The following PRICKLE1 variants were observed in gnomAD, a reference collection of about 807,000 sequenced individuals.
PRICKLE1 encodes the protein prickle planar cell polarity protein 1, also known as prickle-like protein 1.
A neutral mutation model predicts 70.2 loss-of-function variants in PRICKLE1; 14 were observed. The ratio of observed to expected loss-of-function variants is 0.20; its 90% CI spans 0.13 to 0.31. The LOEUF is 0.31. Among genes scored for constraint, PRICKLE1 ranks in the 10% least tolerant of loss-of-function variants. The pLI is 1.00. For missense variants in PRICKLE1, 821 were observed against 1,026.2 expected (o/e 0.80, Z 2.73); for synonymous variants, 357 against 379.9 (o/e 0.94, Z 0.70).
At chr12:42,489,027 G>A (rs913296025) in intron 1 of PRICKLE1, among the ~76,000 whole-genome samples, 1 of 150,794 alleles carries the variant, frequency 6.6e-6, no homozygotes, top group East Asian at 2.0e-4. Flanking sequence ...AGGTTCAAGC[G>A]ATTCTCCTGC....
At chr12:42,569,132 A>G (rs1940668411) in intron 1 of PRICKLE1, among the ~76,000 whole-genome samples, 1 of 152,180 alleles carries the variant, frequency 6.6e-6, no homozygotes, top group Admixed American at 6.5e-5. Flanking sequence ...CACTTAATGG[A>G]TATACCATCA....
intron 1 of PRICKLE1, among the ~76,000 whole-genome samples, chr12:42,488,783 T>C (rs900779036): frequency 1.3e-5 from 2 of 152,178 alleles, no homozygotes; most frequent in African/African-American, 4.8e-5. Flanking sequence ...ATTATTTAGA[T>C]ACTATAAATA....
chr12:42,573,478 G>A (rs140635492), intron 1 of PRICKLE1, among the ~76,000 whole-genome samples: 152 of 152,200 alleles, frequency 1.0e-3, no homozygotes, highest in African/African-American at 3.3e-3. Context: ...ACAAAGAGGC[G>A]ACTTAAACAT....
In PRICKLE1 at chr12:42,459,946, G is replaced by A. The variant is rs765199745; in HGVS notation, c.2359C>T (p.Arg787Trp). 5.6e-6 allele frequency: 9 copies of A among 1,614,054 alleles called. No individual in the cohort carries two copies. Among genetic ancestry groups the A allele is most frequent in the Non-Finnish European group, 7.6e-6 (9 of 1,180,050 alleles). The change falls in exon 8 of 8, where the codon CGG becomes TGG. Residue 787 changes from arginine to tryptophan, a missense_variant. Arg to Trp is a moderately radical substitution (Grantham distance 101). Coordinates refer to ENST00000345127, the MANE Select transcript of PRICKLE1 (RefSeq NM_153026.3). ...YFLGQPIPQPRPQRFAYYTDD... is the reference protein window; with the variant it reads ...YFLGQPIPQPWPQRFAYYTDD... ...GTATAGTAGGCAAATCTCTGTGGCC[G>A]GGGTTGAGGGATTGGTTGTCCAAGA... is the stretch of plus-strand genomic sequence containing the variant.
At chr12:42,474,159 C>A (rs562259771) in intron 1 of PRICKLE1, among the ~76,000 whole-genome samples, 2 of 152,266 alleles carry the variant, frequency 1.3e-5, no homozygotes, top group East Asian at 3.9e-4. Context: ...GTAATCCCAG[C>A]TACTCGGGAG....
Position 42,465,123 on chromosome 12 carries a change from T to A in PRICKLE1, c.911A>T (p.Lys304Ile). 6.4e-7 allele frequency: 1 copy of A among 1,574,336 alleles called. No individual in the cohort carries two copies. Among genetic ancestry groups the A allele is most frequent in the Non-Finnish European group, 8.6e-7 (1 of 1,164,838 alleles). The change falls in exon 7 of 8, where the codon AAA (lysine) becomes ATA (isoleucine). Residue 304 changes from lysine to isoleucine, a missense_variant. Transcript: ENST00000345127. ...GACGTCTTCACCAAGACTGCACGTT[T>A]TTGAGCAGTAAATCTGACCCTGTTT... is the stretch of plus-strand genomic sequence containing the variant. ...LPKQGQIYCSKTCSLGEDVHA... is the reference protein window; with the variant it reads ...LPKQGQIYCSITCSLGEDVHA...
intron 1 of PRICKLE1, among the ~76,000 whole-genome samples, chr12:42,546,543 C>G (rs530201098): frequency 6.6e-6 from 1 of 152,216 alleles, no homozygotes; most frequent in South Asian, 2.1e-4. Flanking sequence ...CACTTGAGGT[C>G]AGGAGTTTGA....
At chr12:42,480,370 T>G (rs1938750059) in intron 1 of PRICKLE1, among the ~76,000 whole-genome samples, 2 of 152,062 alleles carry the variant, frequency 1.3e-5, no homozygotes, top group South Asian at 4.1e-4. Flanking sequence ...GAGGATTGCT[T>G]GAGCCCAGGA....
intron 7 of PRICKLE1, among the ~76,000 whole-genome samples, chr12:42,463,099 T>A (rs1937922116): frequency 6.6e-6 from 1 of 152,108 alleles, no homozygotes; most frequent in African/African-American, 2.4e-5. Context: ...GGCAGGTGGA[T>A]CACCTGAGGT....
intron 1 of PRICKLE1, among the ~76,000 whole-genome samples, chr12:42,568,179 C>T (rs1940652953): frequency 6.6e-6 from 1 of 152,108 alleles, no homozygotes; most frequent in Non-Finnish European, 1.5e-5. Context: ...TTTTATTTTA[C>T]ATATGTATTT....
At chr12:42,587,025 A>C (rs1209160194) in intron 1 of PRICKLE1, among the ~76,000 whole-genome samples, 3 of 152,104 alleles carry the variant, frequency 2.0e-5, no homozygotes, top group Non-Finnish European at 4.4e-5. Context: ...TATCTGGGGG[A>C]CTCAAGCTGA....
intron 1 of PRICKLE1, among the ~76,000 whole-genome samples, chr12:42,523,599 C>T (rs1003135494): frequency 6.6e-6 from 1 of 152,192 alleles, no homozygotes; most frequent in African/African-American, 2.4e-5. Flanking sequence ...CTCAGTATTT[C>T]AGATGGCTTA....
At chr12:42,526,597 C>A (rs1017900923) in intron 1 of PRICKLE1, among the ~76,000 whole-genome samples, 2 of 151,856 alleles carry the variant, frequency 1.3e-5, no homozygotes, top group Non-Finnish European at 2.9e-5. Context: ...GATAGAGAGT[C>A]CTGGAGGAGC....
Position 42,459,697 on chromosome 12 carries a change from TG to T in PRICKLE1, c.*111del. 7.9e-7 allele frequency: 1 copy of T among 1,259,558 alleles called. No individual in the cohort carries two copies. The highest frequency in any genetic ancestry group is 1.1e-6 in the Non-Finnish European group (1 of 871,654). 78.0% of individuals were successfully genotyped at this position (1,259,558 alleles called of 1,614,324 possible). The stretch of plus-strand genomic sequence containing the variant: ...AACAGCAGTTGAGTTCTCATTTACA[TG>T]GGCAAAGAAAGCACTTTAAACTATT... On this transcript the variant is annotated 3_prime_UTR_variant, in exon 8 of 8. Transcript: ENST00000345127.
chr12:42,465,013 G>A lies in PRICKLE1; in HGVS notation c.1021C>T (p.Arg341Trp), dbSNP rs759164554. The change falls in exon 7 of 8, where the codon CGG becomes TGG. Residue 341 changes from arginine to tryptophan, a missense_variant. By Grantham distance (101) the Arg-to-Trp change is moderately radical. Transcript: ENST00000345127. Reference sequence around the variant, plus strand: ...GACTGTCTACACTGATCTGCTGACCGGCTGCTCTTGCCCATTCGGACACTT... The same window carrying A: ...GACTGTCTACACTGATCTGCTGACCAGCTGCTCTTGCCCATTCGGACACTT... Reference protein sequence around the residue: ...RRSVRMGKSSRSADQCRQSLL... With the variant: ...RRSVRMGKSSWSADQCRQSLL... 11 of 1,605,134 alleles carry A rather than the reference G, an allele frequency of 6.9e-6. No homozygotes were observed. Among genetic ancestry groups the A allele is most frequent in the Non-Finnish European group, 4.3e-6 (5 of 1,176,126 alleles).
In PRICKLE1 at chr12:42,508,010, T is replaced by C. The variant is rs1250291396; in HGVS notation, c.-48-35446A>G. 2.0e-5 allele frequency among the ~76,000 whole-genome samples: 3 copies of C among 152,354 alleles called. No homozygotes were observed. In the East Asian group the frequency reaches 5.8e-4, roughly 29 times the overall value. ...TCAATTTGCCCTTTTTGGGGTTTTATAAAAGTTAACTACACAAACAAGCAA... is the reference window on the plus strand; with the variant it reads ...TCAATTTGCCCTTTTTGGGGTTTTACAAAAGTTAACTACACAAACAAGCAA... On this transcript the variant is annotated intron_variant, in intron 1 of 7. Coordinates refer to ENST00000345127, the MANE Select transcript of PRICKLE1 (RefSeq NM_153026.3).
At chr12:42,489,656 C>CT (rs1470351038) in intron 1 of PRICKLE1, 1 of 47,996 alleles carries the variant, frequency 2.1e-5, no homozygotes, top group African/African-American at 8.3e-5. Context: ...CGAGACTTCT[C>CT]TAAAAAAAAA....
intron 1 of PRICKLE1, among the ~76,000 whole-genome samples, chr12:42,515,864 T>A (rs1449703045): frequency 6.6e-6 from 1 of 152,204 alleles, no homozygotes; most frequent in African/African-American, 2.4e-5. Context: ...TTGGTATGAA[T>A]CTACTTTCAA....
chr12:42,469,192 A>G (rs1485587373), intron 4 of PRICKLE1, among the ~76,000 whole-genome samples: 1 of 152,132 alleles, frequency 6.6e-6, no homozygotes, highest in Non-Finnish European at 1.5e-5. Flanking sequence ...ACCTACCTCC[A>G]TGCCAGGATC....
Sources: allele counts gnomAD v4.1 joint callset (sites outside exome capture counted in the v4.1 genomes callset), GRCh38; gene constraint gnomAD v4.1.1; transcripts MANE v1.5; gene names NCBI Gene and HGNC (gene_info 2026-07-23, HGNC 2026-07-21).